The following AK4 variants were observed in gnomAD, a reference collection of about 807,000 sequenced individuals.
AK4 encodes the protein adenylate kinase 4.
AK4 carries 13 observed loss-of-function variants against 24.6 expected under a neutral mutation model. The ratio of observed to expected loss-of-function variants is 0.53; its 90% CI spans 0.34 to 0.84. AK4 has a LOEUF of 0.84. Ranked by LOEUF, AK4 falls within the 40% of genes least tolerant of loss-of-function variation. AK4 has a pLI of 0.01. For synonymous variants in AK4, 88 were observed against 107.0 expected (o/e 0.82, Z 1.10); for missense variants, 192 against 288.2 (o/e 0.67, Z 2.42).
At chr1:65,201,006 A>G (rs1651647509) in intron 2 of AK4, among the ~76,000 whole-genome samples, 1 of 151,980 alleles carries the variant, frequency 6.6e-6, no homozygotes, top group Non-Finnish European at 1.5e-5. Context: ...GTTGGCCAGG[A>G]TAGTCTCCAT....
chr1:65,163,055 T>C (rs1366626792), intron 1 of AK4, among the ~76,000 whole-genome samples: 1 of 152,228 alleles, frequency 6.6e-6, no homozygotes. Context: ...TTGGGCTGTT[T>C]CCTGCTATGG....
At chr1:65,191,918 A>G (rs1473512995) in intron 2 of AK4, among the ~76,000 whole-genome samples, 2 of 152,190 alleles carry the variant, frequency 1.3e-5, no homozygotes, top group East Asian at 3.9e-4. Context: ...AGGAGGCACC[A>G]TTCATAAGAG....
chr1:65,155,023 G>A (rs1420258567), intron 1 of AK4, among the ~76,000 whole-genome samples: 3 of 151,412 alleles, frequency 2.0e-5, no homozygotes, highest in Non-Finnish European at 4.4e-5. Context: ...GCTAATTTTT[G>A]TATTTTTAAT....
At chr1:65,152,376 ATATATATATTTTTTTTTTTTTTTT>A (rs1649818815) in intron 1 of AK4, among the ~76,000 whole-genome samples, 1 of 66,770 alleles carries the variant, frequency 1.5e-5, no homozygotes, top group African/African-American at 5.0e-5. Context: ...ATATATATAT[ATATATATATTTTTTTTTTTTTTTT>A]TTTTTTTTTT....
intron 1 of AK4, among the ~76,000 whole-genome samples, chr1:65,173,862 C>CAAA (rs11429425): frequency 7.1e-6 from 1 of 140,868 alleles, no homozygotes. Context: ...GACCCTGTCT[C>CAAA]AAAAAAAAAA....
At chr1:65,190,396 A>G (rs891921045) in intron 1 of AK4, among the ~76,000 whole-genome samples, 1 of 135,222 alleles carries the variant, frequency 7.4e-6, no homozygotes, top group African/African-American at 2.7e-5. Flanking sequence ...CCAAAGTACC[A>G]GAAGTACAGG....
intron 1 of AK4, among the ~76,000 whole-genome samples, chr1:65,184,135 A>G (rs540675090): frequency 6.6e-6 from 1 of 152,344 alleles, no homozygotes. Context: ...TACCAAGATT[A>G]TATCTATTTG....
At chr1:65,175,140 G>A (rs1440080252) in intron 1 of AK4, among the ~76,000 whole-genome samples, 1 of 152,112 alleles carries the variant, frequency 6.6e-6, no homozygotes, top group Non-Finnish European at 1.5e-5. Flanking sequence ...CATTACTGTT[G>A]CCACTGGTAT....
intron 1 of AK4, among the ~76,000 whole-genome samples, chr1:65,156,925 C>CA (rs71829208): frequency 0.024 from 1,970 of 81,066 alleles, 27 homozygotes; most frequent in Admixed American, 0.03. Flanking sequence ...GACTGTGTCT[C>CA]AAAAAAAAAA....
At chr1:65,184,363 A>G (rs1326951426) in intron 1 of AK4, among the ~76,000 whole-genome samples, 1 of 152,170 alleles carries the variant, frequency 6.6e-6, no homozygotes, top group East Asian at 1.9e-4. Flanking sequence ...AAGATTTTTT[A>G]TATGTCGCCT....
intron 3 of AK4, among the ~76,000 whole-genome samples, chr1:65,220,134 G>A (rs1305529212): frequency 3.3e-5 from 5 of 152,134 alleles, no homozygotes; most frequent in Non-Finnish European, 7.4e-5. Context: ...CAGTTTATTC[G>A]TTTTGAAGAA....
rs867534427 is a variant in AK4 at position 65,164,023 on chromosome 1, A to T, written c.145+15471A>T. ...ATCTTAGATTTTACAGAGTGATGTTATCCCCAGGAGCAATTTGGGGAGGTT... is the reference window on the plus strand; with the variant it reads ...ATCTTAGATTTTACAGAGTGATGTTTTCCCCAGGAGCAATTTGGGGAGGTT... On this transcript the variant is annotated intron_variant, in intron 1 of 4. Coordinates refer to ENST00000327299, the MANE Select transcript of AK4 (RefSeq NM_013410.4). Among the ~76,000 whole-genome samples, 26 of 152,288 alleles carry T rather than the reference A, an allele frequency of 1.7e-4. No homozygotes were observed. The Middle Eastern group carries it at 0.014, about 80-fold the overall frequency.
chr1:65,224,200 C>T (rs1462531611), intron 3 of AK4, among the ~76,000 whole-genome samples: 2 of 151,984 alleles, frequency 1.3e-5, no homozygotes, highest in Non-Finnish European at 2.9e-5. Flanking sequence ...TATGTTCCTA[C>T]AGTGTATGTC....
intron 1 of AK4, among the ~76,000 whole-genome samples, chr1:65,152,376 ATATATATATTTTTTTTTT>A (rs1649818322): frequency 1.5e-5 from 1 of 66,770 alleles, no homozygotes; most frequent in African/African-American, 5.0e-5. Context: ...ATATATATAT[ATATATATATTTTTTTTTT>A]TTTTTTTTTT....
At chr1:65,158,293 G>A (rs1258832291) in intron 1 of AK4, among the ~76,000 whole-genome samples, 1 of 152,106 alleles carries the variant, frequency 6.6e-6, no homozygotes, top group Non-Finnish European at 1.5e-5. Flanking sequence ...ATTCTGAAAG[G>A]CATGTTGAAT....
chr1:65,164,821 C>T (rs1650278849), intron 1 of AK4, among the ~76,000 whole-genome samples: 1 of 152,190 alleles, frequency 6.6e-6, no homozygotes, highest in Non-Finnish European at 1.5e-5. Context: ...ATTGCCTAAT[C>T]CACAGTGTAG....
chr1:65,189,141 G>A (rs947827526), intron 1 of AK4, among the ~76,000 whole-genome samples: 2 of 151,684 alleles, frequency 1.3e-5, no homozygotes, highest in South Asian at 2.1e-4. Context: ...CACCATGTTA[G>A]CCAGGCTGGT....
At chr1:65,207,553 T>G (rs79894497) in intron 2 of AK4, among the ~76,000 whole-genome samples, 6 of 124,204 alleles carry the variant, frequency 4.8e-5, no homozygotes, top group African/African-American at 9.6e-5. Context: ...ACAGCTGCTG[T>G]TTTTTTTTTT....
intron 2 of AK4, among the ~76,000 whole-genome samples, chr1:65,202,001 A>C (rs1651676234): frequency 6.6e-6 from 1 of 152,228 alleles, no homozygotes; most frequent in Non-Finnish European, 1.5e-5. Context: ...AGTAAGCATC[A>C]AAGTTAATAT....
Sources: gnomAD v4.1 joint callset for allele counts (sites outside exome capture counted in the v4.1 genomes callset) on GRCh38, gnomAD v4.1.1 for gene constraint, MANE v1.5 for transcripts, NCBI Gene and HGNC (gene_info 2026-07-23, HGNC 2026-07-21) for gene names.